Variants in SLC24A2 observed in about 807,000 individuals in gnomAD.
The protein encoded by SLC24A2 is solute carrier family 24 member 2.
A neutral mutation model predicts 62.0 loss-of-function variants in SLC24A2; 36 were observed. The observed-to-expected ratio is 0.58, with a 90% CI of 0.44 to 0.77. SLC24A2 has a LOEUF of 0.77. Among genes scored for constraint, SLC24A2 ranks in the 30% least tolerant of loss-of-function variants. The pLI, the probability that SLC24A2 is intolerant of heterozygous loss-of-function variation, is 0.00. For missense variants in SLC24A2, 846 were observed against 817.9 expected (o/e 1.03, Z -0.42); for synonymous variants, 358 against 294.0 (o/e 1.22, Z -2.23).
chr9:19,638,496 T>C (rs1818414550), intron 2 of SLC24A2, among the ~76,000 whole-genome samples: 1 of 152,338 alleles, frequency 6.6e-6, no homozygotes. Context: ...AGGGAATTTC[T>C]ATTTTGTTTG....
At chr9:19,709,796 T>C (rs1820659436) in intron 2 of SLC24A2, among the ~76,000 whole-genome samples, 1 of 150,722 alleles carries the variant, frequency 6.6e-6, no homozygotes, top group South Asian at 2.1e-4. Flanking sequence ...ATATACCTAA[T>C]GCTAAATGAG....
the SLC24A2 span, among the ~76,000 whole-genome samples, chr9:20,079,263 G>T: frequency 9.9e-3 from 1,510 of 152,204 alleles, 33 homozygotes; most frequent in African/African-American, 0.035. Flanking sequence ...AGAAAATAAA[G>T]TTATGTTGCT....
the SLC24A2 span, among the ~76,000 whole-genome samples, chr9:20,042,570 C>G: frequency 2.6e-5 from 4 of 152,226 alleles, no homozygotes; most frequent in Non-Finnish European, 5.9e-5. Flanking sequence ...CTTCTGGGTC[C>G]TAGGCCTTAT....
chr9:20,137,013 T>C, the SLC24A2 span, among the ~76,000 whole-genome samples: 1 of 152,120 alleles, frequency 6.6e-6, no homozygotes, highest in Admixed American at 6.6e-5. Context: ...TGTATCAACA[T>C]TATATTAAAT....
the SLC24A2 span, among the ~76,000 whole-genome samples, chr9:19,873,792 C>T: frequency 3.9e-5 from 6 of 152,102 alleles, no homozygotes; most frequent in Admixed American, 2.0e-4. Context: ...TATTACACAG[C>T]TCTGAAGCTA....
At chr9:20,086,017 A>T in the SLC24A2 span, among the ~76,000 whole-genome samples, 1 of 152,128 alleles carries the variant, frequency 6.6e-6, no homozygotes, top group Admixed American at 6.6e-5. Flanking sequence ...CTCCCTGCAA[A>T]TTGCACACTG....
chr9:20,240,134 G>A, the SLC24A2 span, among the ~76,000 whole-genome samples: 5 of 152,134 alleles, frequency 3.3e-5, no homozygotes, highest in African/African-American at 9.7e-5. Flanking sequence ...CTGGTGGGTA[G>A]GTGAGGCACT....
chr9:20,162,659 T>C, the SLC24A2 span, among the ~76,000 whole-genome samples: 55 of 151,908 alleles, frequency 3.6e-4, no homozygotes, highest in Admixed American at 1.6e-3. Flanking sequence ...ATACCAAAGC[T>C]GGGCAGAGAC....
the SLC24A2 span, among the ~76,000 whole-genome samples, chr9:20,129,930 C>CACACACACACACACAA: frequency 2.7e-5 from 3 of 109,522 alleles, no homozygotes; most frequent in Non-Finnish European, 5.6e-5. Flanking sequence ...TAATTTACTA[C>CACACACACACACACAA]ACACACACAC....
the SLC24A2 span, among the ~76,000 whole-genome samples, chr9:20,273,071 G>A: frequency 1.3e-5 from 2 of 152,154 alleles, no homozygotes; most frequent in Admixed American, 6.5e-5. Flanking sequence ...TGAGGCAGAC[G>A]ATGTGTCTAA....
the SLC24A2 span, among the ~76,000 whole-genome samples, chr9:20,177,768 CTA>C: frequency 1.3e-5 from 2 of 152,116 alleles, no homozygotes; most frequent in African/African-American, 4.8e-5. Flanking sequence ...TGAGAGTTGA[CTA>C]TACCACATAC....
intron 7 of SLC24A2, among the ~76,000 whole-genome samples, chr9:19,554,480 G>GGGGATCTT (rs1293603140): frequency 6.6e-6 from 1 of 152,106 alleles, no homozygotes; most frequent in African/African-American, 2.4e-5. Context: ...TGGTAACCTT[G>GGGGATCTT]GGGATCTTGG....
intron 2 of SLC24A2, among the ~76,000 whole-genome samples, chr9:19,696,003 G>A (rs1196735375): frequency 4.6e-5 from 7 of 152,300 alleles, no homozygotes; most frequent in Admixed American, 4.6e-4. Flanking sequence ...TCTGTGGCCT[G>A]TTAAGAACCA....
the SLC24A2 span, among the ~76,000 whole-genome samples, chr9:20,299,043 T>TC: frequency 6.6e-6 from 1 of 152,228 alleles, no homozygotes; most frequent in South Asian, 2.1e-4. Context: ...ATAGAGTCAT[T>TC]CCCCAAATAA....
At position 19,619,689 on chromosome 9, in the gene SLC24A2, T is replaced by G; in HGVS notation, c.973A>C (p.Lys325Gln). 1 of 1,612,698 alleles carries G rather than the reference T, an allele frequency of 6.2e-7. No individual in the cohort carries two copies. Among genetic ancestry groups the G allele is most frequent in the Non-Finnish European group, 8.5e-7 (1 of 1,178,786 alleles). Reference protein sequence around the residue: ...RDKDEPTLPAKPRLQRGGSSA... With the variant: ...RDKDEPTLPAQPRLQRGGSSA... The stretch of plus-strand genomic sequence containing the variant: ...CTTCCACCTCGCTGGAGACGCGGCT[T>G]AGCCTGAGCAGAGAAACCAAAGAGA... Residue 325 changes from lysine to glutamine, a missense_variant, in exon 4 of 11, where the codon AAG becomes CAG. Transcript: ENST00000341998.
At chr9:19,879,168 C>T in the SLC24A2 span, among the ~76,000 whole-genome samples, 4 of 152,108 alleles carry the variant, frequency 2.6e-5, no homozygotes, top group Non-Finnish European at 1.5e-5. Flanking sequence ...GTAGTAATAT[C>T]CCCAGAGAGG....
the SLC24A2 span, among the ~76,000 whole-genome samples, chr9:19,833,293 G>A: frequency 6.6e-6 from 1 of 152,196 alleles, no homozygotes; most frequent in African/African-American, 2.4e-5. Context: ...CCTCACACGT[G>A]ACGTGCAAGG....
intron 2 of SLC24A2, among the ~76,000 whole-genome samples, chr9:19,723,907 T>C (rs1821099385): frequency 6.6e-6 from 1 of 152,238 alleles, no homozygotes; most frequent in African/African-American, 2.4e-5. Flanking sequence ...GTATAAGGTA[T>C]GTCTCTGTTG....
At chr9:20,137,992 T>A in the SLC24A2 span, among the ~76,000 whole-genome samples, 1 of 152,186 alleles carries the variant, frequency 6.6e-6, no homozygotes, top group Non-Finnish European at 1.5e-5. Context: ...ACAAAGAAGC[T>A]GAGAAGGAAC....
Sources: allele counts gnomAD v4.1 joint callset (sites outside exome capture counted in the v4.1 genomes callset), GRCh38; gene constraint gnomAD v4.1.1; transcripts MANE v1.5; gene names NCBI Gene and HGNC (gene_info 2026-07-23, HGNC 2026-07-21).